The following TNC variants were observed in gnomAD, a reference collection of about 807,000 sequenced individuals.
TNC encodes the protein tenascin.
Under a neutral mutation model 202.4 loss-of-function variants are expected in TNC, and 109 were observed. The observed-to-expected ratio is 0.54, with a 90% confidence interval of 0.46 to 0.63. TNC has a LOEUF of 0.63. Ranked by LOEUF, TNC falls within the 30% of genes least tolerant of loss-of-function variation. The pLI is 0.00. For missense variants in TNC, 2,756 were observed against 2,833.3 expected, an observed-to-expected ratio of 0.97 and a Z score of 0.62; for synonymous variants, 1,007 against 1,089.7, an observed-to-expected ratio of 0.92 and a Z score of 1.50.
chr9:115,071,253 G>C (rs1258032712), intron 10 of TNC, among the ~76,000 whole-genome samples: 2 of 152,186 alleles, frequency 1.3e-5, no homozygotes, highest in African/African-American at 4.8e-5. Context: ...ATTTTTTCCT[G>C]TGGAGAAAGG....
intron 15 of TNC, among the ~76,000 whole-genome samples, chr9:115,051,933 TAGA>T (rs1440867101): frequency 6.6e-6 from 1 of 152,028 alleles, no homozygotes; most frequent in Non-Finnish European, 1.5e-5. Context: ...TCTCTTTACT[TAGA>T]AGTTTACATA....
intron 2 of TNC, 145 bp downstream of exon 2, chr9:115,090,417 T>C: frequency 1.6e-6 from 1 of 635,796 alleles, no homozygotes; most frequent in Non-Finnish European, 2.7e-6. Flanking sequence ...CCACACTTAT[T>C]TGAACATAAA....
intron 15 of TNC, among the ~76,000 whole-genome samples, chr9:115,054,717 A>G (rs1831971343): frequency 6.6e-6 from 1 of 152,184 alleles, no homozygotes; most frequent in African/African-American, 2.4e-5. Flanking sequence ...CCACCACTTT[A>G]AACCTTCTGA....
chr9:115,020,597 GGAAA>G lies in TNC; in HGVS notation c.*556_*559del, dbSNP rs1179126698. On this transcript the variant is annotated 3_prime_UTR_variant, in exon 28 of 28. Coordinates refer to ENST00000350763, the MANE Select transcript of TNC (RefSeq NM_002160.4). ...ATCAGGTACTGTCCAGAAATGTTTT[GGAAA>G]GAAAGATCTCTTGAAAAATCCTTAG... 5.9e-6 allele frequency: 2 copies of G among 341,768 alleles called. No homozygotes were observed. The highest frequency in any genetic ancestry group is 4.4e-5 in the African/African-American group (2 of 45,800). The allele number at this position is 341,768 out of a possible 1,614,324, so 21.2% of individuals were successfully genotyped here. A position where few individuals can be genotyped will look rare whatever the true frequency, so the allele number is the denominator to read the frequency against.
At chr9:115,028,186 C>G (rs1829658412) in intron 25 of TNC, among the ~76,000 whole-genome samples, 1 of 152,110 alleles carries the variant, frequency 6.6e-6, no homozygotes, top group African/African-American at 2.4e-5. Flanking sequence ...TCCTTAAGCT[C>G]CTGCCTTAAG....
intron 6 of TNC, among the ~76,000 whole-genome samples, chr9:115,080,605 A>G (rs1306606900): frequency 2.6e-5 from 4 of 152,154 alleles, no homozygotes; most frequent in Admixed American, 2.6e-4. Context: ...AAAATTATGC[A>G]TTTTTTTCTT....
chr9:115,063,644 G>A, intron 12 of TNC, 152 bp downstream of exon 12: 1 of 869,010 alleles, frequency 1.2e-6, no homozygotes. Flanking sequence ...AGCCAAATAA[G>A]GGATGTGACA....
In TNC at chr9:115,091,087, T is replaced by C. The variant is rs1469678388; in HGVS notation, c.-69A>G. ...CTAGGGTATCTCACTTTCAGCAGAA[T>C]TGGGGATTTAGAAGCACAGAGTAGA... is the stretch of plus-strand genomic sequence containing the variant. On this transcript the variant is annotated 5_prime_UTR_variant, in exon 2 of 28. Coordinates refer to ENST00000350763, the MANE Select transcript of TNC (RefSeq NM_002160.4). 1 of 1,311,082 alleles carries C rather than the reference T, an allele frequency of 7.6e-7. No homozygotes were observed. Among genetic ancestry groups the C allele is most frequent in the African/African-American group, 1.5e-5 (1 of 68,640 alleles). 81.2% of individuals were successfully genotyped at this position (1,311,082 alleles called of 1,614,324 possible).
At chr9:115,027,337 C>T (rs1221861480) in intron 25 of TNC, among the ~76,000 whole-genome samples, 1 of 151,936 alleles carries the variant, frequency 6.6e-6, no homozygotes, top group Non-Finnish European at 1.5e-5. Context: ...CGCCCATAAT[C>T]CCCACACTTT....
At chr9:115,091,602 T>G (rs1227813516) in intron 1 of TNC, among the ~76,000 whole-genome samples, 1 of 152,238 alleles carries the variant, frequency 6.6e-6, no homozygotes, top group African/African-American at 2.4e-5. Flanking sequence ...TCTGAGTGAA[T>G]TATTATAGTG....
intron 1 of TNC, 49 bp from the exon 2 acceptor site, chr9:115,091,203 T>C (rs1835206420): frequency 1.7e-6 from 1 of 590,132 alleles, no homozygotes; most frequent in Non-Finnish European, 3.0e-6. Context: ...CTATTGAATA[T>C]ATTGAATATC....
At chr9:115,037,313 A>C (rs1424430101) in intron 20 of TNC, among the ~76,000 whole-genome samples, 1 of 152,166 alleles carries the variant, frequency 6.6e-6, no homozygotes, top group Non-Finnish European at 1.5e-5. Context: ...GGAAATTGAA[A>C]TTACACAATT....
At chr9:115,032,795 T>G (rs764211971) in intron 22 of TNC, among the ~76,000 whole-genome samples, 32 of 152,226 alleles carry the variant, frequency 2.1e-4, no homozygotes, top group Non-Finnish European at 3.5e-4. Flanking sequence ...CAACTCTAAC[T>G]ACACTTGTAG....
chr9:115,110,252 T>C (rs975333990), intron 1 of TNC, among the ~76,000 whole-genome samples: 2 of 152,216 alleles, frequency 1.3e-5, no homozygotes, highest in African/African-American at 4.8e-5. Context: ...ACAGTATGAA[T>C]GACAGCTGAA....
intron 22 of TNC, among the ~76,000 whole-genome samples, chr9:115,034,343 C>T (rs955429825): frequency 1.3e-5 from 2 of 152,252 alleles, no homozygotes; most frequent in Admixed American, 6.5e-5. Context: ...CAAGCCCTGC[C>T]TGAGCTAACT....
chr9:115,113,399 A>C (rs1837225476), intron 1 of TNC, among the ~76,000 whole-genome samples: 1 of 152,180 alleles, frequency 6.6e-6, no homozygotes, highest in African/African-American at 2.4e-5. Context: ...GGGTGATAAG[A>C]CTTACTAGAA....
chr9:115,061,348 C>T (rs1254527387), intron 13 of TNC, among the ~76,000 whole-genome samples: 1 of 152,144 alleles, frequency 6.6e-6, no homozygotes, highest in Non-Finnish European at 1.5e-5. Context: ...AGGTATCCCC[C>T]TCTTACTTCC....
intron 20 of TNC, among the ~76,000 whole-genome samples, chr9:115,037,170 G>C (rs998308438): frequency 2.6e-5 from 4 of 152,118 alleles, no homozygotes; most frequent in African/African-American, 9.7e-5. Context: ...TCCTCAAAAA[G>C]ACCTCTCTTA....
chr9:115,035,304 G>T lies in TNC; in HGVS notation c.5687C>A (p.Thr1896Asn). The T allele has an allele frequency of 6.2e-7, 1 of 1,613,588 alleles. No individual in the cohort carries two copies. The highest frequency in any genetic ancestry group is 1.1e-5 in the South Asian group (1 of 90,946). Reference protein sequence around the residue: ...DLDSPRDLTATEVQSETALLT... With the variant: ...DLDSPRDLTANEVQSETALLT... Reference sequence around the variant, plus strand: ...GAGGGCAGTTTCCGACTGAACCTCAGTAGCAGTCAAGTCTCTTGGAGAATC... The same window carrying T: ...GAGGGCAGTTTCCGACTGAACCTCATTAGCAGTCAAGTCTCTTGGAGAATC... The change falls in exon 22 of 28, where the codon ACT becomes AAT. Residue 1896 changes from threonine (T) to asparagine (N), a missense_variant. Around this residue, in one of 2 missense-constraint regions of TNC, gnomAD observed 2,559 missense variants for 2,546.0 expected, o/e 1.01. Coordinates refer to ENST00000350763, the MANE Select transcript of TNC (RefSeq NM_002160.4).
Sources: allele counts gnomAD v4.1 joint callset (sites outside exome capture counted in the v4.1 genomes callset), GRCh38; gene constraint gnomAD v4.1.1; regional missense constraint gnomAD v4.1.1; transcripts MANE v1.5; gene names NCBI Gene and HGNC (gene_info 2026-07-23, HGNC 2026-07-21).